Variants in OCA2 observed in about 807,000 individuals in gnomAD.
OCA2 encodes the protein OCA2 melanosomal transmembrane protein, also known as P protein.
OCA2 carries 77 observed loss-of-function variants against 100.2 expected under a neutral mutation model. The observed-to-expected ratio is 0.77, with a 90% CI of 0.64 to 0.93. The LOEUF (loss-of-function observed/expected upper bound fraction) is 0.93. OCA2 is among the 40% of genes least tolerant of loss of function. The pLI, the probability that OCA2 is intolerant of heterozygous loss-of-function variation, is 0.00. For missense variants in OCA2, 1,062 were observed against 1,089.1 expected (o/e 0.98, Z 0.35); for synonymous variants, 432 against 439.2 (o/e 0.98, Z 0.21).
chr15:27,849,279 T>A (rs2035658866), intron 22 of OCA2, among the ~76,000 whole-genome samples: 1 of 151,726 alleles, frequency 6.6e-6, no homozygotes, highest in African/African-American at 2.4e-5. Context: ...GAGAAAATAG[T>A]CACATGCTGC....
chr15:28,024,931 G>A, intron 4 of OCA2, 29 bp from the exon 5 acceptor site: 1 of 1,610,990 alleles, frequency 6.2e-7, no homozygotes, highest in East Asian at 2.2e-5. Context: ...GGCCTTAGTG[G>A]CAAGGGCAGC....
At chr15:27,771,486 G>C (rs964145977) in intron 23 of OCA2, among the ~76,000 whole-genome samples, 1 of 152,246 alleles carries the variant, frequency 6.6e-6, no homozygotes, top group Non-Finnish European at 1.5e-5. Flanking sequence ...GCCCAGCTGG[G>C]GGGTGCTCCG....
rs2043251737 is a variant in OCA2 at position 28,043,043 on chromosome 15, A to G, written c.228-10880T>C. On this transcript the variant is annotated intron_variant, in intron 2 of 23. Coordinates refer to ENST00000354638, the MANE Select transcript of OCA2 (RefSeq NM_000275.3). This position sits in a 1 kb window ranked among gnomAD's most constrained non-coding sequence, Gnocchi z 4.4. ...TTAAAATGCTTCCAGACAATTTGTA[A>G]GGACAGTTAACACAAGAAATATTGA... Among the ~76,000 whole-genome samples, 2 of 152,240 alleles carry G rather than the reference A, an allele frequency of 1.3e-5. No homozygotes were observed. The highest frequency in any genetic ancestry group is 1.3e-4 in the Admixed American group (2 of 15,280).
In OCA2 at chr15:28,068,681, C is replaced by G. The variant is rs542055951; in HGVS notation, c.227+12967G>C. On this transcript the variant is annotated intron_variant, in intron 2 of 23. Coordinates refer to ENST00000354638, the MANE Select transcript of OCA2 (RefSeq NM_000275.3). ...ACAATATCCCTCATGAACATAGATG[C>G]AGAAGTCCTCGACAAAATACTAGCA... Among the ~76,000 whole-genome samples the G allele has an allele frequency of 3.3e-5, 5 of 152,324 alleles. No individual in the cohort carries two copies. In the East Asian group the frequency reaches 9.6e-4, roughly 29 times the overall value.
chr15:27,813,080 CT>C (rs2034143275), intron 23 of OCA2, among the ~76,000 whole-genome samples: 1 of 152,190 alleles, frequency 6.6e-6, no homozygotes, highest in African/African-American at 2.4e-5. Context: ...GGAGGGGTCA[CT>C]GCTGAGAACT....
chr15:27,934,363 T>C (rs1158124162), intron 18 of OCA2, among the ~76,000 whole-genome samples: 1 of 152,162 alleles, frequency 6.6e-6, no homozygotes, highest in Non-Finnish European at 1.5e-5. Flanking sequence ...TTACTTTTCT[T>C]TGAATTCTCC....
intron 2 of OCA2, among the ~76,000 whole-genome samples, chr15:28,055,907 T>C (rs895830): frequency 0.059 from 9,003 of 152,264 alleles, 860 homozygotes; most frequent in African/African-American, 0.21. Context: ...AGACAGCAAG[T>C]GGTCAAGGAC....
intron 18 of OCA2, among the ~76,000 whole-genome samples, chr15:27,930,298 T>C (rs1723302483): frequency 6.6e-6 from 1 of 152,176 alleles, no homozygotes; most frequent in Non-Finnish European, 1.5e-5. Context: ...AACCATGGAA[T>C]ACTACTCAGT....
At chr15:27,861,906 T>A (rs773758929) in intron 21 of OCA2, among the ~76,000 whole-genome samples, 1 of 152,174 alleles carries the variant, frequency 6.6e-6, no homozygotes, top group Non-Finnish European at 1.5e-5. Flanking sequence ...CAGTGGCATG[T>A]GGTCCTGGGT....
Position 27,845,039 on chromosome 15 carries a change from C to T in OCA2, c.2352G>A (p.Leu784=). Residue 784 remains leucine, a synonymous_variant, in exon 23 of 24, where the codon CTG becomes CTA. Transcript: ENST00000354638. ...ACACGACGTTTGCCGACGCGCCAAT[C>T]AGTGTCCCGTTACCTAAAGTCAAAA... The part of the protein sequence containing the change: ...FGACLGGNGT[L]IGASANVVCA... 1 of 1,613,862 alleles carries T rather than the reference C, an allele frequency of 6.2e-7. No individual in the cohort carries two copies. Among genetic ancestry groups the T allele is most frequent in the Non-Finnish European group, 8.5e-7 (1 of 1,179,770 alleles).
chr15:27,876,742 C>A (rs2036808806), intron 19 of OCA2, among the ~76,000 whole-genome samples: 1 of 151,606 alleles, frequency 6.6e-6, no homozygotes, highest in Non-Finnish European at 1.5e-5. Context: ...TTAATAGATT[C>A]TCTTATTTTT....
intron 23 of OCA2, among the ~76,000 whole-genome samples, chr15:27,766,474 A>T (rs546115599): frequency 4.6e-5 from 7 of 152,222 alleles, no homozygotes; most frequent in African/African-American, 1.7e-4. Context: ...TCTCTCCCTC[A>T]GTGGCTGAGT....
At chr15:28,007,721 CA>C (rs546301397) in intron 9 of OCA2, among the ~76,000 whole-genome samples, 255 of 131,766 alleles carry the variant, frequency 1.9e-3, no homozygotes, top group Admixed American at 2.2e-3. Context: ...GACTCCATCT[CA>C]AAAAAAAAAA....
intron 23 of OCA2, among the ~76,000 whole-genome samples, chr15:27,814,917 T>TAGAC (rs1566985688): frequency 1.3e-5 from 2 of 149,588 alleles, no homozygotes; most frequent in Non-Finnish European, 3.0e-5. Flanking sequence ...GATAGATAGA[T>TAGAC]AGATAGATAG....
chr15:27,919,964 G>C (rs2038799038), intron 19 of OCA2, among the ~76,000 whole-genome samples: 1 of 152,052 alleles, frequency 6.6e-6, no homozygotes, highest in Non-Finnish European at 1.5e-5. Context: ...GACTTAAATA[G>C]AGCAATCAAC....
chr15:27,720,818 G>A, the OCA2 span, among the ~76,000 whole-genome samples: 1 of 152,108 alleles, frequency 6.6e-6, no homozygotes, highest in Non-Finnish European at 1.5e-5. Flanking sequence ...TACCTCAATA[G>A]AATTGTAAAA....
At chr15:27,745,721 C>A in the OCA2 span, among the ~76,000 whole-genome samples, 1,434 of 152,312 alleles carry the variant, frequency 9.4e-3, 15 homozygotes, top group Non-Finnish European at 0.017. Context: ...GATTCTGGCA[C>A]CTTTTAAAGG....
At chr15:27,733,653 G>A in the OCA2 span, among the ~76,000 whole-genome samples, 1 of 152,154 alleles carries the variant, frequency 6.6e-6, no homozygotes. Flanking sequence ...ATTGCTCATT[G>A]ATGTGTCCTG....
intron 17 of OCA2, 110 bp downstream of exon 17, chr15:27,955,048 A>G (rs1254617525): frequency 1.2e-6 from 1 of 848,190 alleles, no homozygotes; most frequent in Non-Finnish European, 2.1e-6. Context: ...GTATAACCAC[A>G]GAAATAAAAA....
Sources: allele counts gnomAD v4.1 joint callset (sites outside exome capture counted in the v4.1 genomes callset), GRCh38; gene constraint gnomAD v4.1.1; non-coding constraint Gnocchi (gnomAD v3.1); transcripts MANE v1.5; gene names NCBI Gene and HGNC (gene_info 2026-07-23, HGNC 2026-07-21).